Variants in LRRC49 observed in about 807,000 individuals in gnomAD.
The protein encoded by LRRC49 is leucine rich repeat containing 49.
Under a neutral mutation model 83.3 loss-of-function variants are expected in LRRC49, and 50 were observed. That is an observed-to-expected ratio of 0.60 (90% CI 0.48 to 0.76). LRRC49 has a LOEUF of 0.76. Ranked by LOEUF, LRRC49 falls within the 30% of genes least tolerant of loss-of-function variation. The pLI is 0.00. For synonymous variants in LRRC49, 286 were observed against 283.3 expected (o/e 1.01, Z -0.10); for missense variants, 704 against 809.1 (o/e 0.87, Z 1.58).
chr15:70,905,439 C>T (rs1440346760), intron 5 of LRRC49, among the ~76,000 whole-genome samples: 1 of 152,170 alleles, frequency 6.6e-6, no homozygotes, highest in Non-Finnish European at 1.5e-5. Context: ...CCATCTTTCC[C>T]TGCCTCCCAC....
rs769868170 is a variant in LRRC49, at chr15:70,893,629, GA to G, written c.101del (p.Asn34ThrfsTer7). ...HLVIQTSSLP[E>X]KNKVEFKLNK... is the part of the protein sequence containing the mutation. ...GGTTATTCAAACATCATCGCTTCCT[GA>G]AAAAAACAAAGTAAGATTTAAGAAG... On this transcript the variant is annotated frameshift_variant, in exon 2 of 16. Coordinates refer to ENST00000260382, the MANE Select transcript of LRRC49 (RefSeq NM_017691.5). LOFTEE classifies it high-confidence loss of function. The G allele has an allele frequency of 3.1e-6, 5 of 1,608,468 alleles. No homozygotes were observed. In the East Asian group the frequency reaches 1.1e-4, roughly 36 times the overall value.
intron 2 of LRRC49, among the ~76,000 whole-genome samples, chr15:70,886,709 T>C (rs796102462): frequency 2.0e-5 from 3 of 152,058 alleles, no homozygotes; most frequent in African/African-American, 7.2e-5. Flanking sequence ...CTACTAAAAA[T>C]ACAAAAATTA....
intron 6 of LRRC49, among the ~76,000 whole-genome samples, chr15:70,917,257 G>C (rs932320648): frequency 6.6e-6 from 1 of 152,204 alleles, no homozygotes; most frequent in African/African-American, 2.4e-5. Flanking sequence ...TGAGCAGAAG[G>C]GGGCAGGTCC....
intron 10 of LRRC49, 68 bp from the exon 11 acceptor site, chr15:70,984,026 C>A (rs1035630098): frequency 8.5e-7 from 1 of 1,171,072 alleles, no homozygotes; most frequent in Non-Finnish European, 1.3e-6. Context: ...AACAATATGC[C>A]CCTTAGATGT....
chr15:70,936,997 C>T (rs573731489), intron 8 of LRRC49, among the ~76,000 whole-genome samples, 175 bp downstream of exon 8: 1 of 152,292 alleles, frequency 6.6e-6, no homozygotes, highest in South Asian at 2.1e-4. Context: ...GTATTCTTGC[C>T]TGTAATGCTA....
intron 11 of LRRC49, among the ~76,000 whole-genome samples, chr15:71,006,690 A>G (rs2141258788): frequency 6.6e-6 from 1 of 152,268 alleles, no homozygotes; most frequent in African/African-American, 2.4e-5. Context: ...AATCGTGACA[A>G]AATTCAAGCC....
intron 7 of LRRC49, among the ~76,000 whole-genome samples, chr15:70,919,469 C>T (rs1006450026): frequency 1.3e-5 from 2 of 152,124 alleles, no homozygotes. Flanking sequence ...AAACCCTCTT[C>T]TGTTTTGTCA....
intron 7 of LRRC49, among the ~76,000 whole-genome samples, chr15:70,923,461 C>G (rs2035081349): frequency 6.6e-6 from 1 of 151,828 alleles, no homozygotes; most frequent in African/African-American, 2.4e-5. Context: ...TGTATTAACT[C>G]TCTTTATTAC....
intron 9 of LRRC49, among the ~76,000 whole-genome samples, chr15:70,969,195 G>A (rs144241827): frequency 0.012 from 1,839 of 152,140 alleles, 43 homozygotes; most frequent in African/African-American, 0.041. Context: ...TCAGCTTTCT[G>A]CATATGGCTA....
At chr15:70,909,839 A>ACACACACACACACACAC (rs2034474539) in intron 5 of LRRC49, among the ~76,000 whole-genome samples, 2 of 136,090 alleles carry the variant, frequency 1.5e-5, no homozygotes, top group Non-Finnish European at 3.2e-5. Flanking sequence ...CTCCATCTCA[A>ACACACACACACACACAC]ACACACACAC....
chr15:71,016,744 T>C (rs2038839336), intron 14 of LRRC49, among the ~76,000 whole-genome samples: 1 of 152,082 alleles, frequency 6.6e-6, no homozygotes, highest in Admixed American at 6.6e-5. Flanking sequence ...ACCCCATTTA[T>C]AGAGGCAAAG....
upstream of LRRC49, among the ~76,000 whole-genome samples, chr15:70,889,257 A>C (rs1044924201): frequency 2.6e-5 from 4 of 152,334 alleles, no homozygotes; most frequent in African/African-American, 9.6e-5. Context: ...AAAATGAACT[A>C]CTGTTCTATG....
chr15:70,853,875 G>A, intron 1 of LRRC49: 5 of 1,263,840 alleles, frequency 4.0e-6, no homozygotes, highest in Non-Finnish European at 5.0e-6. Context: ...TCCCGGGCCA[G>A]CCGCCGCGCC....
intron 2 of LRRC49, among the ~76,000 whole-genome samples, chr15:70,884,716 T>C (rs912632676): frequency 6.6e-6 from 1 of 152,116 alleles, no homozygotes; most frequent in African/African-American, 2.4e-5. Flanking sequence ...CACATATTTC[T>C]TTACAAAAAG....
intron 9 of LRRC49, among the ~76,000 whole-genome samples, chr15:70,969,924 C>T (rs1179093790): frequency 1.3e-5 from 2 of 152,152 alleles, no homozygotes; most frequent in Non-Finnish European, 2.9e-5. Flanking sequence ...CATCTGCAAA[C>T]AGAGATAATC....
At chr15:71,002,183 C>T (rs1057282718) in intron 11 of LRRC49, among the ~76,000 whole-genome samples, 16 of 152,078 alleles carry the variant, frequency 1.1e-4, no homozygotes, top group African/African-American at 3.1e-4. Context: ...CCTAGTGTTT[C>T]GATTTGTTTT....
intron 7 of LRRC49, among the ~76,000 whole-genome samples, chr15:70,931,406 T>C (rs1300006796): frequency 6.6e-6 from 1 of 152,096 alleles, no homozygotes; most frequent in Non-Finnish European, 1.5e-5. Flanking sequence ...CGGATAATCA[T>C]AACAAATATA....
rs768141323 is a variant in LRRC49, at chr15:70,895,871, A to G, written c.128A>G (p.Asp43Gly). 2 of 1,610,558 alleles carry G rather than the reference A, an allele frequency of 1.2e-6. No individual in the cohort carries two copies. The highest frequency in any genetic ancestry group is 8.5e-7 in the Non-Finnish European group (1 of 1,178,404). ...KNKVEFKLNK[D>G]TSSFPGRLLQ... The stretch of plus-strand genomic sequence containing the variant: ...CAGGTTGAATTCAAGCTAAATAAAG[A>G]CACATCGTCATTCCCCGGTAGACTT... The change falls in exon 3 of 16, where the codon GAC (aspartate) becomes GGC (glycine). Residue 43 changes from aspartate to glycine, a missense_variant. By Grantham distance (94) the Asp-to-Gly change is moderately conservative (BLOSUM62 -1). This residue lies in a region of LRRC49 where 261 missense variants were observed against 330.5 expected (regional missense o/e 0.79). Coordinates refer to ENST00000260382, the MANE Select transcript of LRRC49 (RefSeq NM_017691.5).
At chr15:70,886,615 C>A (rs1432432619) in intron 2 of LRRC49, among the ~76,000 whole-genome samples, 1 of 152,124 alleles carries the variant, frequency 6.6e-6, no homozygotes, top group African/African-American at 2.4e-5. Context: ...CGCCTGTAAT[C>A]CCAGCACTTT....
Sources: allele counts gnomAD v4.1 joint callset (sites outside exome capture counted in the v4.1 genomes callset), GRCh38; gene constraint gnomAD v4.1.1; regional missense constraint gnomAD v4.1.1; transcripts MANE v1.5; gene names NCBI Gene and HGNC (gene_info 2026-07-23, HGNC 2026-07-21).